The following VPS13B variants were observed in gnomAD, a reference collection of about 807,000 sequenced individuals.
The protein encoded by VPS13B is vacuolar protein sorting 13 homolog B.
Under a neutral mutation model 426.4 loss-of-function variants are expected in VPS13B, and 285 were observed. That is an observed-to-expected ratio of 0.67 (90% CI 0.61 to 0.74). VPS13B has a LOEUF of 0.74. Among genes scored for constraint, VPS13B ranks in the 30% least tolerant of loss-of-function variants. The pLI is 0.00. For synonymous variants in VPS13B, 1,676 were observed against 1,676.4 expected, an observed-to-expected ratio of 1.00 and a Z score of 0.01; for missense variants, 4,537 against 4,782.6, an observed-to-expected ratio of 0.95 and a Z score of 1.51.
At chr8:99,424,939 C>T (rs1407339566) in intron 21 of VPS13B, among the ~76,000 whole-genome samples, 1 of 152,184 alleles carries the variant, frequency 6.6e-6, no homozygotes, top group Non-Finnish European at 1.5e-5. Context: ...ATAAACACCT[C>T]TATGCAAATA....
chr8:99,183,191 T>C (rs555684765), intron 16 of VPS13B, among the ~76,000 whole-genome samples: 1 of 152,340 alleles, frequency 6.6e-6, no homozygotes, highest in African/African-American at 2.4e-5. Flanking sequence ...TTTGTTCATA[T>C]TGTTGCCGTT....
intron 43 of VPS13B, among the ~76,000 whole-genome samples, chr8:99,793,254 C>CATATATAAATAT (rs1554959572): frequency 9.3e-6 from 1 of 107,032 alleles, no homozygotes; most frequent in Non-Finnish European, 1.9e-5. Context: ...TTGCCCTCTC[C>CATATATAAATAT]ATATATATAT....
At chr8:99,539,906 T>A (rs1823466306) in intron 30 of VPS13B, among the ~76,000 whole-genome samples, 1 of 145,592 alleles carries the variant, frequency 6.9e-6, no homozygotes, top group Admixed American at 6.9e-5. Flanking sequence ...TAAGCATTTA[T>A]ATATATATAT....
intron 19 of VPS13B, 132 bp downstream of exon 19, chr8:99,275,386 T>G: frequency 1.2e-6 from 1 of 817,596 alleles, no homozygotes; most frequent in Non-Finnish European, 1.8e-6. Flanking sequence ...GCAGTTGTGC[T>G]TTTTCAAAAT....
chr8:99,185,257 G>A (rs754792965), intron 16 of VPS13B, among the ~76,000 whole-genome samples: 2 of 152,182 alleles, frequency 1.3e-5, no homozygotes, highest in Non-Finnish European at 2.9e-5. Context: ...ACAGAGGTCT[G>A]CAGGGATATA....
At chr8:99,513,468 G>C (rs1010730409) in intron 29 of VPS13B, among the ~76,000 whole-genome samples, 1 of 152,066 alleles carries the variant, frequency 6.6e-6, no homozygotes, top group Non-Finnish European at 1.5e-5. Context: ...ATAGTGAGAG[G>C]CTATAGAGAC....
At chr8:99,289,083 GA>G (rs1819591808) in intron 19 of VPS13B, among the ~76,000 whole-genome samples, 1 of 151,860 alleles carries the variant, frequency 6.6e-6, no homozygotes, top group Non-Finnish European at 1.5e-5. Flanking sequence ...AGGAAGGAAG[GA>G]AAGAAAGAAA....
At chr8:99,690,756 A>C (rs1259617183) in intron 35 of VPS13B, among the ~76,000 whole-genome samples, 2 of 152,228 alleles carry the variant, frequency 1.3e-5, no homozygotes, top group Non-Finnish European at 2.9e-5. Flanking sequence ...GCACATGAAA[A>C]AATGCTGAAC....
rs761340678 is a variant in VPS13B, at chr8:99,854,005, G to A, written c.10616G>A (p.Gly3539Asp). 1.2e-6 allele frequency: 2 copies of A among 1,614,176 alleles called. No individual in the cohort carries two copies. Among genetic ancestry groups the A allele is most frequent in the African/African-American group, 1.3e-5 (1 of 75,020 alleles). Reference protein sequence around the residue: ...LAGHSTHLSGGKQVLPMQVTQ... With the variant: ...LAGHSTHLSGDKQVLPMQVTQ... ...GGTCACTCCACACACCTCTCCGGGG[G>A]TAAACAGGTGTTGCCCATGCAGGTC... The change falls in exon 56 of 62, where the codon GGT becomes GAT. Residue 3539 changes from glycine to aspartate, a missense_variant. Gly to Asp is a moderately conservative substitution (Grantham distance 94, BLOSUM62 -1). Transcript: ENST00000357162.
chr8:99,691,183 T>C (rs1261297459), intron 35 of VPS13B, among the ~76,000 whole-genome samples: 1 of 151,446 alleles, frequency 6.6e-6, no homozygotes, highest in Non-Finnish European at 1.5e-5. Context: ...AGAAAGAAAA[T>C]TAGTGGTTTC....
Position 99,793,749 on chromosome 8 carries a change from T to A in VPS13B, c.7941+9273T>A, listed in dbSNP as rs1812675351. Among the ~76,000 whole-genome samples the A allele has an allele frequency of 2.0e-5, 3 of 152,128 alleles. No homozygotes were observed. The South Asian group carries it at 6.2e-4, about 32-fold the overall frequency. ...ATCGTGACAACCATTTTGGACACAT[T>A]GAATTTTAGGCTGCTATAGAGGGCA... On this transcript the variant is annotated intron_variant, in intron 43 of 61. Transcript: ENST00000357162.
intron 33 of VPS13B, among the ~76,000 whole-genome samples, chr8:99,630,328 A>G (rs1588567178): frequency 6.6e-6 from 1 of 152,062 alleles, no homozygotes; most frequent in Middle Eastern, 3.4e-3. Flanking sequence ...CCTTACAGTT[A>G]TGCTCTTTTT....
At chr8:99,592,764 C>A (rs1381338752) in intron 33 of VPS13B, among the ~76,000 whole-genome samples, 2 of 151,920 alleles carry the variant, frequency 1.3e-5, no homozygotes, top group East Asian at 3.9e-4. Flanking sequence ...AGACTGCACA[C>A]CTACAACCAT....
chr8:99,059,939 T>C (rs1844089814), intron 3 of VPS13B, among the ~76,000 whole-genome samples: 1 of 152,014 alleles, frequency 6.6e-6, no homozygotes, highest in African/African-American at 2.4e-5. Context: ...TTTCAGCACA[T>C]TGGCCAGGAT....
intron 22 of VPS13B, 29 bp downstream of exon 22, chr8:99,431,693 T>C: frequency 6.3e-7 from 1 of 1,596,154 alleles, no homozygotes; most frequent in African/African-American, 1.3e-5. Context: ...ATATTATGGA[T>C]ATAATTTCTA....
At chr8:99,560,677 A>T (rs899707992) in intron 31 of VPS13B, among the ~76,000 whole-genome samples, 1 of 152,210 alleles carries the variant, frequency 6.6e-6, no homozygotes, top group African/African-American at 2.4e-5. Context: ...TCAGCATGCA[A>T]CTTGCATGGC....
At chr8:99,652,056 T>C (rs1295830349) in intron 34 of VPS13B, among the ~76,000 whole-genome samples, 1 of 152,204 alleles carries the variant, frequency 6.6e-6, no homozygotes, top group African/African-American at 2.4e-5. Context: ...AAGTAGGTCA[T>C]AGCACACTTC....
rs376508588 is a variant in VPS13B, at chr8:99,047,479, CT to C, written c.291+8918del. Reference sequence around the variant, plus strand: ...TTTACCTACCTTTTTAAAGAACCAGCTTTTTGTTTCATTTATCTTTTGTATT... The same window carrying C: ...TTTACCTACCTTTTTAAAGAACCAGCTTTTGTTTCATTTATCTTTTGTATT... On this transcript the variant is annotated intron_variant, in intron 3 of 61. Transcript: ENST00000357162. 4.6e-3 allele frequency among the ~76,000 whole-genome samples: 698 copies of C among 152,130 alleles called. 5 individuals are homozygous for C. Among genetic ancestry groups the C allele is most frequent in the African/African-American group, 0.016 (658 of 41,524 alleles).
chr8:99,428,376 G>A (rs1347608494), intron 21 of VPS13B, among the ~76,000 whole-genome samples: 2 of 152,072 alleles, frequency 1.3e-5, no homozygotes, highest in African/African-American at 4.8e-5. Context: ...GAAAATTTTT[G>A]CAATCTACCC....
Sources: allele counts gnomAD v4.1 joint callset (sites outside exome capture counted in the v4.1 genomes callset), GRCh38; gene constraint gnomAD v4.1.1; transcripts MANE v1.5; gene names NCBI Gene and HGNC (gene_info 2026-07-23, HGNC 2026-07-21).